DOK6: variants seen among roughly 807,000 people sequenced by gnomAD.
DOK6 encodes the protein downstream of tyrosine kinase 6.
A neutral mutation model predicts 44.0 loss-of-function variants in DOK6; 22 were observed. That is an observed-to-expected ratio of 0.50 (90% CI 0.36 to 0.71). DOK6 has a LOEUF of 0.71. Ranked by LOEUF, DOK6 falls within the 30% of genes least tolerant of loss-of-function variation. The pLI, the probability that DOK6 is intolerant of heterozygous loss-of-function variation, is 0.00. For synonymous variants in DOK6, 166 were observed against 145.5 expected, an observed-to-expected ratio of 1.14 and a Z score of -1.01; for missense variants, 340 against 416.4, an observed-to-expected ratio of 0.82 and a Z score of 1.60.
At chr18:69,795,055 G>A (rs1476200783) in intron 7 of DOK6, among the ~76,000 whole-genome samples, 2 of 152,014 alleles carry the variant, frequency 1.3e-5, no homozygotes, top group Non-Finnish European at 2.9e-5. Context: ...GTAATGCACT[G>A]GAATCATCCT....
chr18:69,836,449 A>G (rs767160574), intron 7 of DOK6, among the ~76,000 whole-genome samples: 16 of 152,028 alleles, frequency 1.1e-4, no homozygotes, highest in Admixed American at 6.5e-5. Context: ...TATGAATGTC[A>G]TTTCAGAGTA....
chr18:69,492,182 A>G (rs1264868800), intron 1 of DOK6, among the ~76,000 whole-genome samples: 1 of 152,194 alleles, frequency 6.6e-6, no homozygotes, highest in African/African-American at 2.4e-5. Context: ...TTGAAAATAT[A>G]CGATAGGAAC....
intron 5 of DOK6, among the ~76,000 whole-genome samples, chr18:69,730,583 C>G (rs1451064081): frequency 6.6e-6 from 1 of 152,120 alleles, no homozygotes; most frequent in Non-Finnish European, 1.5e-5. Context: ...TTCAAGCTAT[C>G]TATTCACTAA....
At chr18:69,797,727 C>G (rs1356784686) in intron 7 of DOK6, among the ~76,000 whole-genome samples, 3 of 151,988 alleles carry the variant, frequency 2.0e-5, no homozygotes, top group Non-Finnish European at 4.4e-5. Flanking sequence ...GCATAGAGCT[C>G]TTAGGTTGTA....
chr18:69,456,765 G>A (rs923886653), intron 1 of DOK6, among the ~76,000 whole-genome samples: 10 of 152,168 alleles, frequency 6.6e-5, no homozygotes, highest in East Asian at 3.9e-4. Flanking sequence ...TCTTTCCTAC[G>A]AAAAGTGTAT....
intron 1 of DOK6, among the ~76,000 whole-genome samples, chr18:69,501,441 G>A (rs1981046915): frequency 6.6e-6 from 1 of 152,112 alleles, no homozygotes; most frequent in African/African-American, 2.4e-5. Context: ...TGTAATCTCA[G>A]CTTGAGTTGT....
intron 1 of DOK6, among the ~76,000 whole-genome samples, chr18:69,486,968 C>A (rs1473695626): frequency 6.6e-6 from 1 of 151,806 alleles, no homozygotes; most frequent in Admixed American, 6.6e-5. Context: ...TTTCTTTCTT[C>A]TTTCTGTTGT....
intron 2 of DOK6, among the ~76,000 whole-genome samples, chr18:69,566,521 GA>G (rs201790269): frequency 6.6e-6 from 1 of 152,042 alleles, no homozygotes; most frequent in South Asian, 2.1e-4. Flanking sequence ...TCTTTTATCT[GA>G]AAAAAATAGA....
At chr18:69,655,849 T>C in intron 3 of DOK6, among the ~76,000 whole-genome samples, 1 of 139,206 alleles carries the variant, frequency 7.2e-6, no homozygotes, top group African/African-American at 2.6e-5. Context: ...AAATAAAATA[T>C]GACATATGAT....
In DOK6 at chr18:69,841,178, TAG is replaced by T. The variant is rs1231980532; in HGVS notation, c.857-64_857-63del. The T allele has an allele frequency of 1.2e-5, 19 of 1,588,460 alleles. No individual in the cohort carries two copies. The Admixed American group carries it at 3.2e-4, about 27-fold the overall frequency. ...AGATAGATAGATAATAGATAGATGA[TAG>T]ATAGTGTATCTTTTGTGCTTCTGAA... is the stretch of plus-strand genomic sequence containing the variant. On this transcript the variant is annotated intron_variant, in intron 7 of 7. Transcript: ENST00000382713.
chr18:69,739,246 ATCTC>A, intron 6 of DOK6, 143 bp downstream of exon 6: 2 of 1,050,652 alleles, frequency 1.9e-6, no homozygotes, highest in Non-Finnish European at 1.4e-6. Flanking sequence ...CTACCCTCTC[ATCTC>A]TCTAATATCC....
At chr18:69,776,673 T>C (rs1230096109) in intron 7 of DOK6, among the ~76,000 whole-genome samples, 1 of 152,040 alleles carries the variant, frequency 6.6e-6, no homozygotes, top group African/African-American at 2.4e-5. Context: ...ACAACCTAAT[T>C]GTATACAGTC....
intron 1 of DOK6, chr18:69,469,774 G>A (rs1409094563): frequency 1.7e-5 from 4 of 237,360 alleles, no homozygotes; most frequent in South Asian, 1.2e-4. Context: ...AGGTTGGACA[G>A]GAGCCAGAGG....
Position 69,542,750 on chromosome 18 carries a change from C to T in DOK6, c.67-21737C>T, listed in dbSNP as rs149660841. ...CTTTGTACATTTGAAATCAGTCATT[C>T]TTGAAGTTATTTCTTCCATGGGCTT... On this transcript the variant is annotated intron_variant, in intron 1 of 7. Transcript: ENST00000382713. Among the ~76,000 whole-genome samples the T allele has an allele frequency of 4.4e-4, 66 of 151,438 alleles. No individual in the cohort carries two copies. The East Asian group carries it at 0.012, about 27-fold the overall frequency.
chr18:69,839,704 G>T (rs887886072), intron 7 of DOK6, among the ~76,000 whole-genome samples: 9 of 152,322 alleles, frequency 5.9e-5, no homozygotes, highest in Admixed American at 5.2e-4. Context: ...GGAGGAGTGC[G>T]GGGCAGGACC....
chr18:69,499,274 C>T, intron 1 of DOK6, among the ~76,000 whole-genome samples: 1 of 131,738 alleles, frequency 7.6e-6, no homozygotes, highest in African/African-American at 2.5e-5. Context: ...ATGCGATGGG[C>T]TAAGAAGATT....
intron 1 of DOK6, among the ~76,000 whole-genome samples, chr18:69,430,525 C>T (rs1254676113): frequency 6.6e-6 from 1 of 152,162 alleles, no homozygotes; most frequent in Non-Finnish European, 1.5e-5. Context: ...TCCCCCGCTT[C>T]CTCATTAGGA....
At chr18:69,569,709 A>AT (rs201429653) in intron 2 of DOK6, among the ~76,000 whole-genome samples, 31 of 151,440 alleles carry the variant, frequency 2.0e-4, no homozygotes, top group African/African-American at 2.7e-4. Flanking sequence ...AACAAAAATT[A>AT]TTTTTTTTTA....
intron 3 of DOK6, among the ~76,000 whole-genome samples, chr18:69,640,413 C>G (rs1398603090): frequency 6.6e-6 from 1 of 152,088 alleles, no homozygotes; most frequent in African/African-American, 2.4e-5. Flanking sequence ...AAAGATGTAC[C>G]CTTTGCCACA....
Sources: gnomAD v4.1 joint callset for allele counts (sites outside exome capture counted in the v4.1 genomes callset) on GRCh38, gnomAD v4.1.1 for gene constraint, MANE v1.5 for transcripts, NCBI Gene and HGNC (gene_info 2026-07-23, HGNC 2026-07-21) for gene names.